Variants in CALCR observed in about 807,000 individuals in gnomAD.
CALCR encodes the protein calcitonin receptor.
A neutral mutation model predicts 59.5 loss-of-function variants in CALCR; 47 were observed. The observed-to-expected ratio is 0.79, with a 90% confidence interval of 0.63 to 1.01. CALCR has a LOEUF of 1.01. Ranked by LOEUF, CALCR falls within the 50% of genes least tolerant of loss-of-function variation. CALCR has a pLI of 0.00. For missense variants in CALCR, 566 were observed against 597.1 expected (o/e 0.95, Z 0.54); for synonymous variants, 213 against 211.3 (o/e 1.01, Z -0.07).
At chr7:93,558,493 T>C (rs1170012085) in intron 2 of CALCR, among the ~76,000 whole-genome samples, 1 of 152,142 alleles carries the variant, frequency 6.6e-6, no homozygotes, top group Non-Finnish European at 1.5e-5. Context: ...TAGAGATTCA[T>C]TGTTTCTCTG....
At chr7:93,550,639 A>ACACACACG (rs1408663293) in intron 2 of CALCR, among the ~76,000 whole-genome samples, 2 of 148,112 alleles carry the variant, frequency 1.4e-5, no homozygotes. Context: ...ACACACACAC[A>ACACACACG]CGAGAGACAG....
rs915973697 is a variant in CALCR at position 93,495,872 on chromosome 7, A to G, written c.-26-8865T>C. 4.6e-6 allele frequency: 7 copies of G among 1,526,274 alleles called. No individual in the cohort carries two copies. In the South Asian group the frequency reaches 6.0e-5, roughly 13 times the overall value. 94.5% of individuals were successfully genotyped at this position (1,526,274 alleles called of 1,614,324 possible). On this transcript the variant is annotated intron_variant, in intron 2 of 13. Coordinates refer to ENST00000426151, the MANE Select transcript of CALCR (RefSeq NM_001742.4). ...AGTTACTGGTGGGACAACCGAATCT[A>G]TACTGGTTTGTATCCACAAATGGGC... is the stretch of plus-strand genomic sequence containing the variant.
In CALCR at chr7:93,463,285, G is replaced by A. The variant is rs141588750; in HGVS notation, c.522-2338C>T. ...TAGATAGATACAGTACATATAAAGA[G>A]TACTGTATCTCTCTATATAAAAATA... is the stretch of plus-strand genomic sequence containing the variant. On this transcript the variant is annotated intron_variant, in intron 7 of 13. Transcript: ENST00000426151. Among the ~76,000 whole-genome samples, 188 of 151,702 alleles carry A rather than the reference G, an allele frequency of 1.2e-3. 2 individuals are homozygous for A. In the East Asian group the frequency reaches 0.028, roughly 23 times the overall value.
At chr7:93,440,483 C>A (rs1168276305) in intron 9 of CALCR, among the ~76,000 whole-genome samples, 1 of 151,700 alleles carries the variant, frequency 6.6e-6, no homozygotes, top group Middle Eastern at 3.2e-3. Flanking sequence ...TCTCAGAGTT[C>A]AGATTTGGCA....
chr7:93,443,818 C>T (rs1383918115), intron 8 of CALCR, 61 bp from the exon 9 acceptor site: 3 of 1,480,306 alleles, frequency 2.0e-6, no homozygotes, highest in African/African-American at 1.4e-5. Flanking sequence ...CCAGGGAGCA[C>T]AGAGCAAATG....
intron 11 of CALCR, 134 bp downstream of exon 11, chr7:93,437,923 GCTT>G (rs929698622): frequency 2.0e-5 from 16 of 811,206 alleles, no homozygotes; most frequent in Non-Finnish European, 2.9e-5. Context: ...AAATCAAATT[GCTT>G]TTTTTTACTA....
chr7:93,567,459 C>CCATAAAACAAGTAT (rs1456681459), intron 2 of CALCR, among the ~76,000 whole-genome samples: 1 of 151,942 alleles, frequency 6.6e-6, no homozygotes, highest in Admixed American at 6.6e-5. Context: ...GATTAAACCA[C>CCATAAAACAAGTAT]CATAAAACAA....
chr7:93,444,443 T>G (rs896398478), intron 8 of CALCR, among the ~76,000 whole-genome samples: 1 of 152,146 alleles, frequency 6.6e-6, no homozygotes, highest in African/African-American at 2.4e-5. Flanking sequence ...TACTGCATAA[T>G]GGAATACTTT....
chr7:93,523,722 A>G (rs1292234415), intron 2 of CALCR, among the ~76,000 whole-genome samples: 2 of 152,154 alleles, frequency 1.3e-5, no homozygotes, highest in Non-Finnish European at 2.9e-5. Flanking sequence ...TTTTAAGTCC[A>G]GGATTTTTTT....
At chr7:93,432,235 TG>T in intron 13 of CALCR, among the ~76,000 whole-genome samples, 1 of 152,310 alleles carries the variant, frequency 6.6e-6, no homozygotes, top group Admixed American at 6.5e-5. Flanking sequence ...CATAACACAA[TG>T]TGATGTGATC....
intron 7 of CALCR, among the ~76,000 whole-genome samples, chr7:93,461,673 T>C (rs1370887231): frequency 2.0e-5 from 3 of 152,172 alleles, no homozygotes; most frequent in African/African-American, 7.2e-5. Context: ...TCCCCACCTT[T>C]TGTGTATTAA....
chr7:93,476,558 C>A (rs144153790), intron 5 of CALCR, among the ~76,000 whole-genome samples: 1 of 151,758 alleles, frequency 6.6e-6, no homozygotes, highest in Non-Finnish European at 1.5e-5. Context: ...TGTATAAGAA[C>A]CAGGCTGAAA....
intron 2 of CALCR, among the ~76,000 whole-genome samples, chr7:93,509,948 T>C (rs1382287603): frequency 6.6e-6 from 1 of 152,158 alleles, no homozygotes; most frequent in East Asian, 1.9e-4. Context: ...ATCAAGTTAG[T>C]TGGGCATTAC....
At chr7:93,529,182 A>G (rs183653257) in intron 2 of CALCR, among the ~76,000 whole-genome samples, 25 of 152,248 alleles carry the variant, frequency 1.6e-4, no homozygotes, top group Non-Finnish European at 1.9e-4. Context: ...TGATTGGACC[A>G]TGGGTGTAGA....
rs368402396 is a variant in CALCR at position 93,572,117 on chromosome 7, G to A, written c.-27+2172C>T. ...TTTTCTGGATAAAAAATGTTTTTCCGAGAAGCTGTTACGGTCTAAATATCT... is the reference window on the plus strand; with the variant it reads ...TTTTCTGGATAAAAAATGTTTTTCCAAGAAGCTGTTACGGTCTAAATATCT... On this transcript the variant is annotated intron_variant, in intron 2 of 13. Coordinates refer to ENST00000426151, the MANE Select transcript of CALCR (RefSeq NM_001742.4). Among the ~76,000 whole-genome samples the A allele has an allele frequency of 1.1e-4, 16 of 152,104 alleles. No individual in the cohort carries two copies. The Middle Eastern group carries it at 0.01, about 97-fold the overall frequency.
intron 2 of CALCR, among the ~76,000 whole-genome samples, chr7:93,538,836 C>A (rs902427023): frequency 1.3e-5 from 2 of 152,018 alleles, no homozygotes; most frequent in African/African-American, 4.8e-5. Context: ...ACAGTGGATT[C>A]CTGAGACCAA....
chr7:93,467,669 A>C lies in CALCR; in HGVS notation c.521+1046T>G, dbSNP rs147912846. On this transcript the variant is annotated intron_variant, in intron 7 of 13. Coordinates refer to ENST00000426151, the MANE Select transcript of CALCR (RefSeq NM_001742.4). Reference sequence around the variant, plus strand: ...TGCATATATATTCTTCTCCCCCCTCATTCTATATGTGAATCACTGTACATT... The same window carrying C: ...TGCATATATATTCTTCTCCCCCCTCCTTCTATATGTGAATCACTGTACATT... 1.8e-4 allele frequency among the ~76,000 whole-genome samples: 27 copies of C among 151,664 alleles called. No homozygotes were observed. The East Asian group carries it at 4.3e-3, about 24-fold the overall frequency.
chr7:93,528,377 A>G lies in CALCR; in HGVS notation c.-26-41370T>C, dbSNP rs1417075370. On this transcript the variant is annotated intron_variant, in intron 2 of 13. Coordinates refer to ENST00000426151, the MANE Select transcript of CALCR (RefSeq NM_001742.4). ...TGTGCCGTGATGGTGCGCTGCACCC[A>G]TTAACTCGTCATTTACATTAGGTAT... Among the ~76,000 whole-genome samples the G allele has an allele frequency of 2.0e-5, 3 of 152,338 alleles. No individual in the cohort carries two copies. In the East Asian group the frequency reaches 5.8e-4, roughly 29 times the overall value.
At chr7:93,459,589 G>T (rs1800275526) in intron 8 of CALCR, among the ~76,000 whole-genome samples, 1 of 152,112 alleles carries the variant, frequency 6.6e-6, no homozygotes, top group Non-Finnish European at 1.5e-5. Flanking sequence ...CAGCACAGAA[G>T]AAATATCCAG....
Sources: gnomAD v4.1 joint callset for allele counts (sites outside exome capture counted in the v4.1 genomes callset) on GRCh38, gnomAD v4.1.1 for gene constraint, MANE v1.5 for transcripts, NCBI Gene and HGNC (gene_info 2026-07-23, HGNC 2026-07-21) for gene names.